GPRIN3: variants seen among roughly 807,000 people sequenced by gnomAD.
The protein encoded by GPRIN3 is G protein-regulated inducer of neurite outgrowth 3.
A neutral mutation model predicts 13.7 loss-of-function variants in GPRIN3; 12 were observed. That is an observed-to-expected ratio of 0.87 (90% CI 0.56 to 1.42). The LOEUF is 1.42. Among genes scored for constraint, GPRIN3 ranks in the 40% most tolerant of loss-of-function variants. The pLI is 0.00. For missense variants in GPRIN3, 1,009 were observed against 958.7 expected, an observed-to-expected ratio of 1.05 and a Z score of -0.69; for synonymous variants, 377 against 372.7, an observed-to-expected ratio of 1.01 and a Z score of -0.13.
chr4:89,300,271 C>A (rs1724860031), intron 1 of GPRIN3, among the ~76,000 whole-genome samples: 1 of 152,148 alleles, frequency 6.6e-6, no homozygotes, highest in Admixed American at 6.5e-5. Context: ...AGACTCAATA[C>A]CTACAGGTTT....
intron 1 of GPRIN3, among the ~76,000 whole-genome samples, chr4:89,294,052 A>C (rs1724664745): frequency 6.6e-6 from 1 of 152,162 alleles, no homozygotes; most frequent in African/African-American, 2.4e-5. Context: ...GCTCTTTTAC[A>C]CAATTCCTCT....
intron 1 of GPRIN3, among the ~76,000 whole-genome samples, chr4:89,296,049 T>G (rs1326944285): frequency 2.6e-5 from 4 of 152,164 alleles, no homozygotes; most frequent in African/African-American, 4.8e-5. Flanking sequence ...AGTATTAAAA[T>G]CCAAAGCAAA....
intron 1 of GPRIN3, among the ~76,000 whole-genome samples, chr4:89,257,652 G>A (rs528937833): frequency 2.0e-5 from 3 of 152,298 alleles, no homozygotes; most frequent in South Asian, 4.2e-4. Context: ...TGGCTCCTGA[G>A]TCCACATTGT....
At chr4:89,271,198 AT>A (rs1403829242) in intron 1 of GPRIN3, among the ~76,000 whole-genome samples, 2 of 152,222 alleles carry the variant, frequency 1.3e-5, no homozygotes, top group East Asian at 3.8e-4. Context: ...GGTAGAACTC[AT>A]TTAACTCATA....
At chr4:89,264,395 T>C (rs946030076) in intron 1 of GPRIN3, among the ~76,000 whole-genome samples, 10 of 152,242 alleles carry the variant, frequency 6.6e-5, no homozygotes, top group African/African-American at 2.4e-4. Flanking sequence ...CCAGGCTTTT[T>C]GTACAACCTG....
rs1722807265 is a variant in GPRIN3, at chr4:89,236,921, C to T, written c.*10859G>A. 6.6e-6 allele frequency: 1 copy of T among 151,986 alleles called. No individual in the cohort carries two copies. Among genetic ancestry groups the T allele is most frequent in the Admixed American group, 6.6e-5 (1 of 15,260 alleles). The allele number at this position is 151,986 out of a possible 1,614,324, so 9.4% of individuals were successfully genotyped here. A position where few individuals can be genotyped will look rare whatever the true frequency, so the allele number is the denominator to read the frequency against. On this transcript the variant is annotated 3_prime_UTR_variant, in exon 2 of 2. Transcript: ENST00000609438. ...CATTATTTTTTGTTTTGGCTTTGGGCTAAAAAAACATAGATAACAAGCAAA... is the reference window on the plus strand; with the variant it reads ...CATTATTTTTTGTTTTGGCTTTGGGTTAAAAAAACATAGATAACAAGCAAA...
intron 1 of GPRIN3, among the ~76,000 whole-genome samples, chr4:89,278,407 T>A (rs1199302445): frequency 6.6e-6 from 1 of 152,240 alleles, no homozygotes; most frequent in East Asian, 1.9e-4. Context: ...AATGACATAT[T>A]TAAATTCTCC....
intron 1 of GPRIN3, among the ~76,000 whole-genome samples, chr4:89,256,148 A>G (rs1215013304): frequency 6.6e-6 from 1 of 152,178 alleles, no homozygotes; most frequent in African/African-American, 2.4e-5. Flanking sequence ...GACCCTTCCT[A>G]TGCTGCTTCC....
At chr4:89,298,938 A>G (rs543213524) in intron 1 of GPRIN3, among the ~76,000 whole-genome samples, 80 of 152,180 alleles carry the variant, frequency 5.3e-4, no homozygotes, top group African/African-American at 1.7e-3. Flanking sequence ...AAAAGCCACA[A>G]ACCCCAGAGG....
intron 1 of GPRIN3, among the ~76,000 whole-genome samples, chr4:89,289,429 T>C (rs181953162): frequency 1.7e-4 from 26 of 152,248 alleles, no homozygotes; most frequent in Admixed American, 1.6e-3. Flanking sequence ...CCTAGAGTCA[T>C]AGAGTCACCA....
chr4:89,272,904 A>G (rs1723998546), intron 1 of GPRIN3, among the ~76,000 whole-genome samples: 1 of 152,250 alleles, frequency 6.6e-6, no homozygotes, highest in Non-Finnish European at 1.5e-5. Context: ...AGCTTAATTC[A>G]GAGCTCCATC....
intron 1 of GPRIN3, among the ~76,000 whole-genome samples, chr4:89,275,303 A>G (rs1724063358): frequency 6.6e-6 from 1 of 152,190 alleles, no homozygotes; most frequent in Non-Finnish European, 1.5e-5. Flanking sequence ...TTTGGGTAAT[A>G]GAACAAAAGC....
chr4:89,265,785 G>T (rs1049821840), intron 1 of GPRIN3, among the ~76,000 whole-genome samples: 1 of 151,534 alleles, frequency 6.6e-6, no homozygotes, highest in African/African-American at 2.4e-5. Flanking sequence ...TTTTATGTTG[G>T]CATAGGCCTA....
chr4:89,307,370 G>A (rs376600708), intron 1 of GPRIN3, among the ~76,000 whole-genome samples: 1 of 151,958 alleles, frequency 6.6e-6, no homozygotes, highest in Non-Finnish European at 1.5e-5. Context: ...ATCAGCAGGC[G>A]TCTTCTCCCA....
At chr4:89,305,491 A>C (rs1423664180) in intron 1 of GPRIN3, among the ~76,000 whole-genome samples, 1 of 152,188 alleles carries the variant, frequency 6.6e-6, no homozygotes, top group Non-Finnish European at 1.5e-5. Context: ...TATATTCATG[A>C]AAAAGTGAAT....
chr4:89,292,256 T>C (rs1445654011), intron 1 of GPRIN3, among the ~76,000 whole-genome samples: 1 of 152,206 alleles, frequency 6.6e-6, no homozygotes, highest in East Asian at 1.9e-4. Flanking sequence ...TCTTCCCTTT[T>C]CATGAATTTT....
intron 1 of GPRIN3, among the ~76,000 whole-genome samples, chr4:89,304,722 T>C (rs918376598): frequency 2.0e-5 from 3 of 152,206 alleles, no homozygotes; most frequent in African/African-American, 7.2e-5. Context: ...TTTGGAGTCA[T>C]CTAGGACAAA....
At chr4:89,267,141 A>G (rs1207287887) in intron 1 of GPRIN3, among the ~76,000 whole-genome samples, 4 of 152,288 alleles carry the variant, frequency 2.6e-5, no homozygotes, top group Middle Eastern at 3.4e-3. Context: ...GCAAAATGTA[A>G]AAGAAGGGTA....
chr4:89,248,489 G>T lies in GPRIN3; in HGVS notation c.1622C>A (p.Ala541Glu). 6.2e-7 allele frequency: 1 copy of T among 1,612,540 alleles called. No individual in the cohort carries two copies. The highest frequency in any genetic ancestry group is 8.5e-7 in the Non-Finnish European group (1 of 1,179,334). The change falls in exon 2 of 2, where the codon GCA becomes GAA. Residue 541 changes from alanine (A) to glutamate (E), a missense_variant. Ala to Glu is a moderately radical substitution (Grantham distance 107). Coordinates refer to ENST00000609438, the MANE Select transcript of GPRIN3 (RefSeq NM_198281.3). ...TTTTTCTTTTACTACCTGAGGAGAT[G>T]CAGGCTTCTTTTCCCTTGCATCTCC... ...NKGDAREKKP[A>E]SPQVVKEKES... is the part of the protein sequence containing the mutation.
Sources: allele counts gnomAD v4.1 joint callset (sites outside exome capture counted in the v4.1 genomes callset), GRCh38; gene constraint gnomAD v4.1.1; transcripts MANE v1.5; gene names NCBI Gene and HGNC (gene_info 2026-07-23, HGNC 2026-07-21).